Variants in FREM2 observed in about 807,000 individuals in gnomAD.
FREM2 encodes the protein FRAS1 related extracellular matrix 2, also known as FRAS1-related extracellular matrix protein 2.
Under a neutral mutation model 219.9 loss-of-function variants are expected in FREM2, and 119 were observed. The observed-to-expected ratio is 0.54, with a 90% CI of 0.47 to 0.63. The LOEUF is 0.63. Among genes scored for constraint, FREM2 ranks in the 30% least tolerant of loss-of-function variants. FREM2 has a pLI of 0.00. For missense variants in FREM2, 4,030 were observed against 3,993.6 expected (o/e 1.01, Z -0.25); for synonymous variants, 1,562 against 1,522.8 (o/e 1.03, Z -0.60).
intron 11 of FREM2, among the ~76,000 whole-genome samples, chr13:38,854,270 A>G (rs1314965735): frequency 6.6e-6 from 1 of 152,030 alleles, no homozygotes; most frequent in Non-Finnish European, 1.5e-5. Flanking sequence ...ACAAATATTT[A>G]AAATAAATAT....
intron 16 of FREM2, among the ~76,000 whole-genome samples, chr13:38,866,134 A>G (rs1877952120): frequency 6.6e-6 from 1 of 152,144 alleles, no homozygotes; most frequent in Non-Finnish European, 1.5e-5. Flanking sequence ...ACATCACAGC[A>G]TCTATTGGTA....
chr13:38,846,759 G>GC (rs772950134), intron 7 of FREM2, 37 bp downstream of exon 7: 10 of 1,610,964 alleles, frequency 6.2e-6, no homozygotes, highest in Non-Finnish European at 6.8e-6. Flanking sequence ...TGATTGTTCT[G>GC]CAATTTTCAA....
intron 4 of FREM2, among the ~76,000 whole-genome samples, chr13:38,778,992 C>T (rs1305712591): frequency 1.3e-5 from 2 of 152,136 alleles, no homozygotes; most frequent in Non-Finnish European, 2.9e-5. Context: ...TATTTGTACT[C>T]AAGTCTTATG....
rs1157940850 is a variant in FREM2 at position 38,754,858 on chromosome 13, AGAT to A, written c.5264-9403_5264-9401del. On this transcript the variant is annotated intron_variant, in intron 2 of 23. Coordinates refer to ENST00000280481, the MANE Select transcript of FREM2 (RefSeq NM_207361.6). ...CAAAGCCCATGCCACTGGTTGGTCA[AGAT>A]GATGATGATGATGATGATGATGATG... 3.4e-3 allele frequency among the ~76,000 whole-genome samples: 487 copies of A among 141,288 alleles called. 3 individuals carry two copies. Among genetic ancestry groups the A allele is most frequent in the African/African-American group, 0.012 (462 of 37,156 alleles). 92.7% of individuals were successfully genotyped at this position (141,288 alleles called of 152,430 possible).
chr13:38,792,834 T>C (rs949019128), intron 6 of FREM2, among the ~76,000 whole-genome samples: 1 of 152,060 alleles, frequency 6.6e-6, no homozygotes, highest in African/African-American at 2.4e-5. Context: ...TATAGCAAGG[T>C]TTTTAAGGAT....
intron 6 of FREM2, among the ~76,000 whole-genome samples, chr13:38,802,920 T>C (rs544511740): frequency 1.3e-5 from 2 of 152,034 alleles, no homozygotes; most frequent in Non-Finnish European, 2.9e-5. Flanking sequence ...TTGTGGGAGG[T>C]TCTCCCAGCT....
At chr13:38,732,474 C>G (rs976075707) in intron 2 of FREM2, among the ~76,000 whole-genome samples, 5 of 152,140 alleles carry the variant, frequency 3.3e-5, no homozygotes, top group African/African-American at 9.7e-5. Context: ...ATACTAAATG[C>G]CAATTCAAGT....
chr13:38,854,513 A>C (rs75632829), intron 11 of FREM2, among the ~76,000 whole-genome samples: 4,781 of 152,154 alleles, frequency 0.031, 115 homozygotes, highest in Middle Eastern at 0.071. Flanking sequence ...GTGCCAAAAA[A>C]CTCAAAAATC....
chr13:38,806,113 G>C (rs1593418777), intron 6 of FREM2, among the ~76,000 whole-genome samples: 1 of 151,628 alleles, frequency 6.6e-6, no homozygotes, highest in African/African-American at 2.4e-5. Flanking sequence ...AACATTGTGA[G>C]GGTGAGTGAG....
chr13:38,715,071 G>A (rs2138099935), intron 2 of FREM2, among the ~76,000 whole-genome samples: 1 of 152,258 alleles, frequency 6.6e-6, no homozygotes, highest in Non-Finnish European at 1.5e-5. Flanking sequence ...CAGCCTGGGT[G>A]ACAAGAGTGA....
intron 2 of FREM2, among the ~76,000 whole-genome samples, chr13:38,719,892 C>T (rs111429587): frequency 6.6e-6 from 1 of 152,168 alleles, no homozygotes. Context: ...GCAAAAATAT[C>T]TAACTTGCTG....
At chr13:38,751,705 G>A (rs990532112) in intron 2 of FREM2, among the ~76,000 whole-genome samples, 2 of 152,204 alleles carry the variant, frequency 1.3e-5, no homozygotes, top group Admixed American at 6.6e-5. Context: ...TCACAGAAAG[G>A]ACTATATGTA....
At position 38,690,296 on chromosome 13, in the gene FREM2, C is replaced by T; in HGVS notation, c.2952C>T (p.Leu984=). 1 of 1,614,218 alleles carries T rather than the reference C, an allele frequency of 6.2e-7. No homozygotes were observed. The highest frequency in any genetic ancestry group is 1.1e-5 in the South Asian group (1 of 91,086). ...CTGATGACTTGATGTTGACTTTCCT[C>T]TTGGAAGATCCACCTTTGTATGGGG... ...EETDDLMLTF[L]LEDPPLYGEI... is the part of the protein sequence containing the mutation. The change falls in exon 1 of 24, where the codon CTC becomes CTT. Residue 984 remains leucine (L), a synonymous_variant. Transcript: ENST00000280481.
intron 6 of FREM2, among the ~76,000 whole-genome samples, chr13:38,836,350 T>A (rs9532285): frequency 0.092 from 14,052 of 152,176 alleles, 985 homozygotes; most frequent in Admixed American, 0.21. Flanking sequence ...TTGCCAGTAT[T>A]TTTTATTGAG....
At chr13:38,814,839 A>T (rs369652241) in intron 6 of FREM2, among the ~76,000 whole-genome samples, 1 of 152,110 alleles carries the variant, frequency 6.6e-6, no homozygotes, top group Non-Finnish European at 1.5e-5. Flanking sequence ...TCTCCCTGGG[A>T]CCACCACCAC....
intron 6 of FREM2, among the ~76,000 whole-genome samples, chr13:38,785,672 C>G (rs1177213713): frequency 6.6e-6 from 1 of 152,178 alleles, no homozygotes; most frequent in African/African-American, 2.4e-5. Flanking sequence ...AATGGCAAAG[C>G]ATGTGAGAGG....
At chr13:38,709,929 T>C (rs1304259496) in intron 2 of FREM2, among the ~76,000 whole-genome samples, 1 of 151,548 alleles carries the variant, frequency 6.6e-6, no homozygotes, top group Non-Finnish European at 1.5e-5. Flanking sequence ...GGATCACTTG[T>C]GGTCAGGAGT....
At chr13:38,793,981 C>T (rs201402724) in intron 6 of FREM2, among the ~76,000 whole-genome samples, 6 of 43,820 alleles carry the variant, frequency 1.4e-4, no homozygotes, top group Non-Finnish European at 3.0e-4. Flanking sequence ...CATGCTAGTA[C>T]GAAAGAAATG....
At chr13:38,699,699 C>G (rs1360050046) in intron 2 of FREM2, among the ~76,000 whole-genome samples, 2 of 151,924 alleles carry the variant, frequency 1.3e-5, no homozygotes, top group South Asian at 2.1e-4. Flanking sequence ...ACTTTAATTC[C>G]CCTGATATAA....
Sources: allele counts gnomAD v4.1 joint callset (sites outside exome capture counted in the v4.1 genomes callset), GRCh38; gene constraint gnomAD v4.1.1; transcripts MANE v1.5; gene names NCBI Gene and HGNC (gene_info 2026-07-23, HGNC 2026-07-21).